Variants in GPM6B observed in about 807,000 individuals in gnomAD.
GPM6B encodes neuronal membrane glycoprotein M6-b.
Under a neutral mutation model 27.2 loss-of-function variants are expected in GPM6B, and 4 were observed. The ratio of observed to expected loss-of-function variants is 0.15; its 90% CI spans 0.07 to 0.34. GPM6B has a LOEUF of 0.34. GPM6B is among the 10% of genes least tolerant of loss of function. The pLI is 1.00. For synonymous variants in GPM6B, 124 were observed against 103.1 expected, an observed-to-expected ratio of 1.20 and a Z score of -1.23; for missense variants, 183 against 261.9, an observed-to-expected ratio of 0.70 and a Z score of 2.08.
chrX:13,777,026 GAGTAGA>G (rs1430648503), intron 6 of GPM6B, among the ~76,000 whole-genome samples: 3 of 103,806 alleles, frequency 2.9e-5, no homozygotes, highest in African/African-American at 3.6e-5. Context: ...AAAGTAGAAA[GAGTAGA>G]AGTAGAAGAG....
intron 1 of GPM6B, among the ~76,000 whole-genome samples, chrX:13,860,985 T>C (rs776241832): frequency 6.5e-5 from 7 of 107,213 alleles, no homozygotes; most frequent in African/African-American, 2.4e-4. Context: ...TGGCTGAGTA[T>C]TCCACAGAAT....
At chrX:13,892,144 A>G (rs1222403709) in intron 1 of GPM6B, among the ~76,000 whole-genome samples, 2 of 111,875 alleles carry the variant, frequency 1.8e-5, no homozygotes, top group Non-Finnish European at 3.8e-5. Context: ...TCTTGGTGCT[A>G]TGACAGAATT....
chrX:13,930,662 G>A (rs1442099249), intron 1 of GPM6B, among the ~76,000 whole-genome samples: 1 of 110,425 alleles, frequency 9.1e-6, no homozygotes, highest in Non-Finnish European at 1.9e-5. Context: ...AGATACTATA[G>A]ATAACAGGAT....
At position 13,772,923 on chromosome X, in the gene GPM6B, A is replaced by G; in HGVS notation, c.945T>C (p.Asp315=). ...IKAKEEQELQ[D]IQSRSKEQLN... ...GTTGTTCTTTTGACCGAGACTGGAT[A>G]TCTTGCAGTTCCTGTTCTTCCTTTG... is the stretch of plus-strand genomic sequence containing the variant. Residue 315 remains aspartate, a synonymous_variant, in exon 8 of 8, where the codon GAT becomes GAC. Coordinates refer to ENST00000316715, the MANE Select transcript of GPM6B (RefSeq NM_001001995.3). 3 of 1,210,611 alleles carry G rather than the reference A, an allele frequency of 2.5e-6. No homozygotes were observed. Among genetic ancestry groups the G allele is most frequent in the Admixed American group, 2.2e-5 (1 of 46,020 alleles).
At position 13,926,769 on chromosome X, in the gene GPM6B, T is replaced by G. The variant is rs755215425; in HGVS notation, c.-198+11558A>C. ...AATAGAATCCCAATGGAATAAAGGC[T>G]GAAAAGTGAAAAGCGTGATTTTAGA... On this transcript the variant is annotated intron_variant, in intron 1 of 6. Transcript: ENST00000398361. 1.3e-4 allele frequency among the ~76,000 whole-genome samples: 15 copies of G among 112,241 alleles called. No individual in the cohort carries two copies. The East Asian group carries it at 4.2e-3, about 31-fold the overall frequency.
At chrX:13,790,746 T>C (rs2048697958) in intron 2 of GPM6B, among the ~76,000 whole-genome samples, 1 of 111,708 alleles carries the variant, frequency 9.0e-6, no homozygotes, top group Admixed American at 9.5e-5. Flanking sequence ...GCAGCTAGAG[T>C]GCATTTTTGT....
chrX:13,884,942 G>A (rs1044960309), intron 1 of GPM6B, among the ~76,000 whole-genome samples: 4 of 111,906 alleles, frequency 3.6e-5, no homozygotes, highest in Admixed American at 9.5e-5. Context: ...CAGAGCACAC[G>A]GCCTGCCCAA....
At chrX:13,834,069 T>C (rs967550395) in intron 1 of GPM6B, among the ~76,000 whole-genome samples, 1 of 112,690 alleles carries the variant, frequency 8.9e-6, no homozygotes, top group African/African-American at 3.2e-5. Flanking sequence ...TTCTTCTGAT[T>C]ATCCGGTCTT....
At chrX:13,883,801 T>C (rs1471973810) in intron 1 of GPM6B, among the ~76,000 whole-genome samples, 3 of 110,960 alleles carry the variant, frequency 2.7e-5, no homozygotes, top group African/African-American at 9.9e-5. Flanking sequence ...TGAGCTATGA[T>C]TGCACCACTG....
intron 1 of GPM6B, 79 bp downstream of exon 1, chrX:13,816,765 G>C (rs1054940195): frequency 1.8e-5 from 20 of 1,098,556 alleles, no homozygotes; most frequent in East Asian, 9.0e-5. Context: ...TTTTAAAAGA[G>C]AGACAAAACC....
intron 7 of GPM6B, among the ~76,000 whole-genome samples, chrX:13,775,925 G>C (rs1376474825): frequency 8.9e-6 from 1 of 112,565 alleles, no homozygotes; most frequent in Non-Finnish European, 1.9e-5. Context: ...CGTGAGCATT[G>C]CATCTGTCTG....
At chrX:13,774,703 G>A (rs2048376636) in intron 7 of GPM6B, 2 of 760,287 alleles carry the variant, frequency 2.6e-6, no homozygotes. Flanking sequence ...ACTTGGGTGG[G>A]GACGGGTGCC....
chrX:13,838,081 T>C (rs1399483879), intron 1 of GPM6B, among the ~76,000 whole-genome samples: 1 of 107,800 alleles, frequency 9.3e-6, no homozygotes, highest in African/African-American at 3.4e-5. Flanking sequence ...GGGACACCTC[T>C]GCCATGCTTA....
In GPM6B at chrX:13,814,023, G is replaced by A. The variant is rs183456175; in HGVS notation, c.61+2821C>T. Among the ~76,000 whole-genome samples the A allele has an allele frequency of 6.9e-3, 768 of 111,731 alleles. 4 individuals carry two copies. Among genetic ancestry groups the A allele is most frequent in the Non-Finnish European group, 0.01 (554 of 53,078 alleles). On this transcript the variant is annotated intron_variant, in intron 1 of 7. Coordinates refer to ENST00000316715, the MANE Select transcript of GPM6B (RefSeq NM_001001995.3). ...AACACAAATGCTTTCCTTTTTTAAGGACATGGATTAATTTTGTCTAAAGTA... is the reference window on the plus strand; with the variant it reads ...AACACAAATGCTTTCCTTTTTTAAGAACATGGATTAATTTTGTCTAAAGTA...
chrX:13,869,360 T>G (rs1289023020), intron 1 of GPM6B, among the ~76,000 whole-genome samples: 1 of 67,154 alleles, frequency 1.5e-5, no homozygotes, highest in Non-Finnish European at 3.0e-5. Context: ...ATATAGGTTG[T>G]TTTTTTTTTT....
chrX:13,928,697 T>C (rs1324640457), intron 1 of GPM6B, among the ~76,000 whole-genome samples: 1 of 112,657 alleles, frequency 8.9e-6, no homozygotes, highest in East Asian at 2.8e-4. Context: ...ATCCACCATT[T>C]AAACATTCTT....
chrX:13,804,435 G>T (rs865895042), intron 2 of GPM6B, among the ~76,000 whole-genome samples: 5 of 90,946 alleles, frequency 5.5e-5, no homozygotes, highest in East Asian at 4.4e-4. Context: ...GCGGGGGGCG[G>T]GGGTAGCCCA....
upstream of GPM6B, among the ~76,000 whole-genome samples, chrX:13,820,069 C>T (rs1410641185): frequency 9.0e-6 from 1 of 111,660 alleles, no homozygotes; most frequent in Non-Finnish European, 1.9e-5. Flanking sequence ...GGTTGAACAC[C>T]TTGCTAGCCC....
chrX:13,803,985 T>C (rs1463463945), intron 2 of GPM6B, among the ~76,000 whole-genome samples: 1 of 112,379 alleles, frequency 8.9e-6, no homozygotes, highest in Non-Finnish European at 1.9e-5. Flanking sequence ...TAAAGATTTC[T>C]AGATCTCTTG....
Sources: gnomAD v4.1 joint callset for allele counts (sites outside exome capture counted in the v4.1 genomes callset) on GRCh38, gnomAD v4.1.1 for gene constraint, MANE v1.5 for transcripts, NCBI Gene and HGNC (gene_info 2026-07-23, HGNC 2026-07-21) for gene names.